NKG7: variants seen among roughly 807,000 people sequenced by gnomAD.
NKG7 encodes protein NKG7.
Under a neutral mutation model 14.7 loss-of-function variants are expected in NKG7, and 8 were observed. The ratio of observed to expected loss-of-function variants is 0.54; its 90% CI spans 0.32 to 0.98. NKG7 has a LOEUF of 0.98. Among genes scored for constraint, NKG7 ranks in the 50% least tolerant of loss-of-function variants. The probability of loss-of-function intolerance (pLI) is 0.04; values close to 1 mark genes in which losing one functional copy is unlikely to be tolerated. For missense variants in NKG7, 215 were observed against 211.1 expected, an observed-to-expected ratio of 1.02 and a Z score of -0.11; for synonymous variants, 95 against 90.7, an observed-to-expected ratio of 1.05 and a Z score of -0.27.
At position 51,372,222 on chromosome 19, in the gene NKG7, G is replaced by A. The variant is rs1362443445; in HGVS notation, c.243C>T (p.Phe81=). 3 of 1,613,802 alleles carry A rather than the reference G, an allele frequency of 1.9e-6. No homozygotes were observed. Among genetic ancestry groups the A allele is most frequent in the Non-Finnish European group, 2.5e-6 (3 of 1,179,818 alleles). Reference sequence around the variant, plus strand: ...CGTGGCCTGGGGGGAACAGTGAGGGGAAGCAGGACAGGACCAGGAAGCTCA... The same window carrying A: ...CGTGGCCTGGGGGGAACAGTGAGGGAAAGCAGGACAGGACCAGGAAGCTCA... The part of the protein sequence containing the change: ...VSVSFLVLSC[F]PSLFPPGHGP... The change falls in exon 2 of 4, where the codon TTC becomes TTT. Residue 81 remains phenylalanine, a synonymous_variant. Coordinates refer to ENST00000221978, the MANE Select transcript of NKG7 (RefSeq NM_005601.4). The surrounding 1 kb of genome is among the most constrained non-coding windows in gnomAD (Gnocchi z 4.8).
Position 51,371,787 on chromosome 19 carries a change from T to A in NKG7, c.488A>T (p.Glu163Val). The A allele has an allele frequency of 6.2e-7, 1 of 1,612,942 alleles. No homozygotes were observed. Among genetic ancestry groups the A allele is most frequent in the Non-Finnish European group, 8.5e-7 (1 of 1,179,276 alleles). The change falls in exon 4 of 4, where the codon GAA (glutamate) becomes GTA (valine). Residue 163 changes from glutamate (E) to valine (V), a missense_variant. Glu to Val is a moderately radical substitution (Grantham distance 121, BLOSUM62 -2). Transcript: ENST00000221978. The surrounding 1 kb of genome is among the most constrained non-coding windows in gnomAD (Gnocchi z 4.2). ...GCTCTTGCCTTCTGCTCACAAGGTT[T>A]CATAGCCAGGACGGGGACCGCCACA... ...AHCGGPRPGY[E>V]TL
In NKG7 at chr19:51,371,947, G is replaced by C; in HGVS notation, c.432C>G (p.Leu144=). ...YLGWVSAILL[L]CTGALSLGAH... The stretch of plus-strand genomic sequence containing the variant: ...AGTGGGCAGGATAGTCACCTGTACA[G>C]AGCAAGAGGATAGCTGAGACCCAGC... Residue 144 remains leucine (L), a synonymous_variant, in exon 3 of 4, where the codon CTC becomes CTG. Transcript: ENST00000221978. The surrounding 1 kb of genome is among the most constrained non-coding windows in gnomAD (Gnocchi z 4.2). The C allele has an allele frequency of 1.9e-6, 3 of 1,612,132 alleles. No individual in the cohort carries two copies. The highest frequency in any genetic ancestry group is 2.5e-6 in the Non-Finnish European group (3 of 1,179,320).
rs200034925 is a variant in NKG7 at position 51,372,131 on chromosome 19, C to G, written c.304+30G>C. ...TCCTCGGCAGGAATTCGCTGGCTCG[C>G]GATGCCCCAGTCCAGTCCAGAGTCC... On this transcript the variant is annotated intron_variant, in intron 2 of 3. Transcript: ENST00000221978. This position sits in a 1 kb window ranked among gnomAD's most constrained non-coding sequence, Gnocchi z 4.8. The G allele has an allele frequency of 6.3e-7, 1 of 1,589,528 alleles. No individual in the cohort carries two copies. Among genetic ancestry groups the G allele is most frequent in the East Asian group, 2.2e-5 (1 of 44,572 alleles).
rs370793095 is a variant in NKG7 at position 51,372,050 on chromosome 19, G to T, written c.329C>A (p.Ala110Glu). Residue 110 changes from alanine to glutamate, a missense_variant, in exon 3 of 4, where the codon GCG (alanine) becomes GAG (glutamate). Transcript: ENST00000221978. The surrounding 1 kb of genome is among the most constrained non-coding windows in gnomAD (Gnocchi z 4.8). ...GTCCCACCGCTCGCTGGTGTACACCGCCATGGCCACCACCATGGAGATGGC... is the reference window on the plus strand; with the variant it reads ...GTCCCACCGCTCGCTGGTGTACACCTCCATGGCCACCACCATGGAGATGGC... ...AAAISMVVAM[A>E]VYTSERWDQP... 1 of 1,612,528 alleles carries T rather than the reference G, an allele frequency of 6.2e-7. No homozygotes were observed. Among genetic ancestry groups the T allele is most frequent in the Non-Finnish European group, 8.5e-7 (1 of 1,179,224 alleles).
In NKG7 at chr19:51,371,972, C is replaced by T; in HGVS notation, c.407G>A (p.Gly136Asp). Residue 136 changes from glycine (G) to aspartate (D), a missense_variant, in exon 3 of 4, where the codon GGC becomes GAC. Physicochemically the swap from Gly to Asp is moderately conservative, Grantham distance 94. Transcript: ENST00000221978. This position sits in a 1 kb window ranked among gnomAD's most constrained non-coding sequence, Gnocchi z 4.2. ...QTFFSWSFYL[G>D]WVSAILLLCT... ...GAGCAAGAGGATAGCTGAGACCCAG[C>T]CCAGGTAGAAGGACCAGGAGAAGAA... 6.2e-7 allele frequency: 1 copy of T among 1,612,998 alleles called. No homozygotes were observed. The highest frequency in any genetic ancestry group is 8.5e-7 in the Non-Finnish European group (1 of 1,179,842).
In NKG7 at chr19:51,372,577, G is replaced by T; in HGVS notation, c.-42C>A. The T allele has an allele frequency of 1.2e-6, 2 of 1,602,394 alleles. No individual in the cohort carries two copies. The highest frequency in any genetic ancestry group is 1.7e-6 in the Non-Finnish European group (2 of 1,174,474). ...CTTCTGGGTCCTGGAGGAGGAAGAGGCTGCTGATCAGACTCTTGAATCTCA... is the reference window on the plus strand; with the variant it reads ...CTTCTGGGTCCTGGAGGAGGAAGAGTCTGCTGATCAGACTCTTGAATCTCA... On this transcript the variant is annotated 5_prime_UTR_variant, in exon 1 of 4. Coordinates refer to ENST00000221978, the MANE Select transcript of NKG7 (RefSeq NM_005601.4). This position sits in a 1 kb window ranked among gnomAD's most constrained non-coding sequence, Gnocchi z 4.8.
chr19:51,372,604 A>C lies in NKG7; in HGVS notation c.-69T>G. On this transcript the variant is annotated 5_prime_UTR_variant, in exon 1 of 4. Coordinates refer to ENST00000221978, the MANE Select transcript of NKG7 (RefSeq NM_005601.4). This position sits in a 1 kb window ranked among gnomAD's most constrained non-coding sequence, Gnocchi z 4.8. Reference sequence around the variant, plus strand: ...TGCTGATCAGACTCTTGAATCTCAGAGAGAAGGAGGCTGTGCACCCAGACT... The same window carrying C: ...TGCTGATCAGACTCTTGAATCTCAGCGAGAAGGAGGCTGTGCACCCAGACT... 1 of 1,554,676 alleles carries C rather than the reference A, an allele frequency of 6.4e-7. No individual in the cohort carries two copies. The highest frequency in any genetic ancestry group is 1.2e-5 in the South Asian group (1 of 85,614).
At position 51,371,750 on chromosome 19, in the gene NKG7, A is replaced by G; in HGVS notation, c.*27T>C. The G allele has an allele frequency of 6.2e-7, 1 of 1,602,664 alleles. No individual in the cohort carries two copies. The highest frequency in any genetic ancestry group is 8.5e-7 in the Non-Finnish European group (1 of 1,172,880). ...AGGCCTTTGGAATACAACGCTCAAA[A>G]CTCATCTTGCCGCTCTTGCCTTCTG... On this transcript the variant is annotated 3_prime_UTR_variant, in exon 4 of 4. Transcript: ENST00000221978. This position sits in a 1 kb window ranked among gnomAD's most constrained non-coding sequence, Gnocchi z 4.2.
In NKG7 at chr19:51,372,498, GA is replaced by G; in HGVS notation, c.37del (p.Ser13ProfsTer4). The G allele has an allele frequency of 6.2e-7, 1 of 1,614,122 alleles. No homozygotes were observed. Among genetic ancestry groups the G allele is most frequent in the Non-Finnish European group, 8.5e-7 (1 of 1,180,026 alleles). On this transcript the variant is annotated frameshift_variant, in exon 1 of 4. Transcript: ENST00000221978. LOFTEE classifies it high-confidence loss of function. The surrounding 1 kb of genome is among the most constrained non-coding windows in gnomAD (Gnocchi z 4.8). The stretch of plus-strand genomic sequence containing the variant: ...AATCAGGCAGAACATCAGGCCCAGG[GA>G]GCCCCCCAGCAGGGCCAGGGACCGG... ...LCRSLALLGG[S>X]LGLMFCLIAL...
In NKG7 at chr19:51,371,901, CCT is replaced by C; in HGVS notation, c.439+37_439+38del. ...CTGTCCTCAGGGACCCCAACTGGAC[CCT>C]CCCAAAGCTCCCCAGGGCAGTGGGC... On this transcript the variant is annotated intron_variant, in intron 3 of 3. Coordinates refer to ENST00000221978, the MANE Select transcript of NKG7 (RefSeq NM_005601.4). The surrounding 1 kb of genome is among the most constrained non-coding windows in gnomAD (Gnocchi z 4.2). 1.2e-6 allele frequency: 2 copies of C among 1,601,888 alleles called. No homozygotes were observed. Among genetic ancestry groups the C allele is most frequent in the Non-Finnish European group, 1.7e-6 (2 of 1,171,882 alleles).
chr19:51,371,872 C>T lies in NKG7; in HGVS notation c.440-37G>A, dbSNP rs745964473. On this transcript the variant is annotated intron_variant, in intron 3 of 3. Transcript: ENST00000221978. The surrounding 1 kb of genome is among the most constrained non-coding windows in gnomAD (Gnocchi z 4.2). ...GAAAGAGTTTAAGCACTTGCCCCTG[C>T]CCTCTGTCCTCAGGGACCCCAACTG... 7 of 1,606,500 alleles carry T rather than the reference C, an allele frequency of 4.4e-6. No homozygotes were observed. Among genetic ancestry groups the T allele is most frequent in the Non-Finnish European group, 6.0e-6 (7 of 1,175,186 alleles).
In NKG7 at chr19:51,372,541, T is replaced by C. The variant is rs1391412962; in HGVS notation, c.-6A>G. ...AGGGACCGGCAGAGCTCCATGGGGATAAGCTCAGGGCTTCTGGGTCCTGGA... is the reference window on the plus strand; with the variant it reads ...AGGGACCGGCAGAGCTCCATGGGGACAAGCTCAGGGCTTCTGGGTCCTGGA... On this transcript the variant is annotated 5_prime_UTR_variant, in exon 1 of 4. Coordinates refer to ENST00000221978, the MANE Select transcript of NKG7 (RefSeq NM_005601.4). This position sits in a 1 kb window ranked among gnomAD's most constrained non-coding sequence, Gnocchi z 4.8. 1 of 1,613,560 alleles carries C rather than the reference T, an allele frequency of 6.2e-7. No homozygotes were observed. The highest frequency in any genetic ancestry group is 8.5e-7 in the Non-Finnish European group (1 of 1,179,862).
rs761075875 is a variant in NKG7, at chr19:51,372,025, G to A, written c.354C>T (p.Asp118=). The A allele has an allele frequency of 6.2e-7, 1 of 1,613,754 alleles. No homozygotes were observed. The highest frequency in any genetic ancestry group is 8.5e-7 in the Non-Finnish European group (1 of 1,179,946). Residue 118 remains aspartate, a synonymous_variant, in exon 3 of 4, where the codon GAC becomes GAT. Coordinates refer to ENST00000221978, the MANE Select transcript of NKG7 (RefSeq NM_005601.4). The surrounding 1 kb of genome is among the most constrained non-coding windows in gnomAD (Gnocchi z 4.8). ...AMAVYTSERW[D]QPPHPQIQTF... is the part of the protein sequence containing the mutation. The stretch of plus-strand genomic sequence containing the variant: ...TCTGGATCTGGGGGTGTGGAGGCTG[G>A]TCCCACCGCTCGCTGGTGTACACCG...
rs1484085736 is a variant in NKG7 at position 51,372,515 on chromosome 19, C to T, written c.21G>A (p.Leu7=). MELCRS[L]ALLGGSLGLM... is the part of the protein sequence containing the mutation. ...GGCCCAGGGAGCCCCCCAGCAGGGC[C>T]AGGGACCGGCAGAGCTCCATGGGGA... The change falls in exon 1 of 4, where the codon CTG becomes CTA. Residue 7 remains leucine (L), a synonymous_variant. Transcript: ENST00000221978. The surrounding 1 kb of genome is among the most constrained non-coding windows in gnomAD (Gnocchi z 4.8). 5.0e-6 allele frequency: 8 copies of T among 1,614,022 alleles called. No individual in the cohort carries two copies. The highest frequency in any genetic ancestry group is 6.8e-6 in the Non-Finnish European group (8 of 1,179,996).
In NKG7 at chr19:51,371,915, C is replaced by T. The variant is rs753123101; in HGVS notation, c.439+25G>A. On this transcript the variant is annotated intron_variant, in intron 3 of 3. Coordinates refer to ENST00000221978, the MANE Select transcript of NKG7 (RefSeq NM_005601.4). The surrounding 1 kb of genome is among the most constrained non-coding windows in gnomAD (Gnocchi z 4.2). The stretch of plus-strand genomic sequence containing the variant: ...CCCAACTGGACCCTCCCAAAGCTCC[C>T]CAGGGCAGTGGGCAGGATAGTCACC... The T allele has an allele frequency of 1.9e-6, 3 of 1,605,214 alleles. No individual in the cohort carries two copies. The highest frequency in any genetic ancestry group is 1.7e-5 in the Admixed American group (1 of 59,410).
rs1161292320 is a variant in NKG7 at position 51,372,538 on chromosome 19, G to T, written c.-3C>A. 6.2e-7 allele frequency: 1 copy of T among 1,613,518 alleles called. No individual in the cohort carries two copies. The highest frequency in any genetic ancestry group is 8.5e-7 in the Non-Finnish European group (1 of 1,179,898). On this transcript the variant is annotated 5_prime_UTR_variant, in exon 1 of 4. Transcript: ENST00000221978. The surrounding 1 kb of genome is among the most constrained non-coding windows in gnomAD (Gnocchi z 4.8). ...GCCAGGGACCGGCAGAGCTCCATGG[G>T]GATAAGCTCAGGGCTTCTGGGTCCT...
At position 51,372,106 on chromosome 19, in the gene NKG7, T is replaced by C; in HGVS notation, c.305-32A>G. 3.1e-6 allele frequency: 5 copies of C among 1,595,352 alleles called. No individual in the cohort carries two copies. The highest frequency in any genetic ancestry group is 4.3e-6 in the Non-Finnish European group (5 of 1,168,196). ...ACAAGGACAAGAGAGATGGCTCAGC[T>C]CCTCGGCAGGAATTCGCTGGCTCGC... is the stretch of plus-strand genomic sequence containing the variant. On this transcript the variant is annotated intron_variant, in intron 2 of 3. Coordinates refer to ENST00000221978, the MANE Select transcript of NKG7 (RefSeq NM_005601.4). This position sits in a 1 kb window ranked among gnomAD's most constrained non-coding sequence, Gnocchi z 4.8.
In NKG7 at chr19:51,371,824, G is replaced by T; in HGVS notation, c.451C>A (p.Leu151Met). The T allele has an allele frequency of 6.2e-7, 1 of 1,612,970 alleles. No individual in the cohort carries two copies. The highest frequency in any genetic ancestry group is 8.5e-7 in the Non-Finnish European group (1 of 1,179,272). ...ILLLCTGALS[L>M]GAHCGGPRPG... Reference sequence around the variant, plus strand: ...CGGGGACCGCCACAGTGAGCACCCAGGCTCAGGGCACCTGGGGAGCCAGAA... The same window carrying T: ...CGGGGACCGCCACAGTGAGCACCCATGCTCAGGGCACCTGGGGAGCCAGAA... The change falls in exon 4 of 4, where the codon CTG becomes ATG. Residue 151 changes from leucine to methionine, a missense_variant. Transcript: ENST00000221978. The surrounding 1 kb of genome is among the most constrained non-coding windows in gnomAD (Gnocchi z 4.2).
rs1568476889 is a variant in NKG7, at chr19:51,371,813, G to A, written c.462C>T (p.His154=). The part of the protein sequence containing the change: ...LCTGALSLGA[H]CGGPRPGYET... ...CATAGCCAGGACGGGGACCGCCACA[G>A]TGAGCACCCAGGCTCAGGGCACCTG... The change falls in exon 4 of 4, where the codon CAC becomes CAT. Residue 154 remains histidine (H), a synonymous_variant. Coordinates refer to ENST00000221978, the MANE Select transcript of NKG7 (RefSeq NM_005601.4). The surrounding 1 kb of genome is among the most constrained non-coding windows in gnomAD (Gnocchi z 4.2). The A allele has an allele frequency of 1.9e-6, 3 of 1,613,378 alleles. No homozygotes were observed. Among genetic ancestry groups the A allele is most frequent in the Non-Finnish European group, 8.5e-7 (1 of 1,179,532 alleles).
Sources: gnomAD v4.1 joint callset for allele counts on GRCh38, gnomAD v4.1.1 for gene constraint, Gnocchi (gnomAD v3.1) non-coding constraint, MANE v1.5 for transcripts, NCBI Gene and HGNC (gene_info 2026-07-23, HGNC 2026-07-21) for gene names.